Variants in MOSMO observed in about 807,000 individuals in gnomAD.
The protein encoded by MOSMO is modulator of smoothened.
A neutral mutation model predicts 18.4 loss-of-function variants in MOSMO; 5 were observed. The ratio of observed to expected loss-of-function variants is 0.27; its 90% CI spans 0.14 to 0.57. The LOEUF is 0.57. MOSMO is among the 20% of genes least tolerant of loss of function. The pLI, the probability that MOSMO is intolerant of heterozygous loss-of-function variation, is 0.92. For missense variants in MOSMO, 138 were observed against 211.8 expected, an observed-to-expected ratio of 0.65 and a Z score of 2.16; for synonymous variants, 82 against 82.3, an observed-to-expected ratio of 1.00 and a Z score of 0.02.
chr16:22,052,792 AACATT>A (rs1294715680), intron 1 of MOSMO, among the ~76,000 whole-genome samples: 6 of 152,166 alleles, frequency 3.9e-5, no homozygotes, highest in Non-Finnish European at 2.9e-5. Context: ...AACTGTATGA[AACATT>A]AAACATGTTG....
chr16:22,085,168 A>C (rs1444287543), downstream of MOSMO: 2 of 152,220 alleles, frequency 1.3e-5, no homozygotes, highest in African/African-American at 4.8e-5. Context: ...GGGGGTGTCA[A>C]GATTAGCCCA....
chr16:22,011,193 A>G (rs1050918780), intron 1 of MOSMO, among the ~76,000 whole-genome samples: 3 of 152,164 alleles, frequency 2.0e-5, no homozygotes, highest in Non-Finnish European at 4.4e-5. Flanking sequence ...GTGATAACCT[A>G]TCTGCCCTCT....
chr16:22,020,704 T>C (rs1899742852), intron 1 of MOSMO, among the ~76,000 whole-genome samples: 1 of 152,208 alleles, frequency 6.6e-6, no homozygotes, highest in African/African-American at 2.4e-5. Flanking sequence ...ATGTTGTAGT[T>C]GAAATACTTA....
chr16:22,065,424 AT>A (rs1900730667), intron 1 of MOSMO, among the ~76,000 whole-genome samples: 1 of 152,078 alleles, frequency 6.6e-6, no homozygotes, highest in Non-Finnish European at 1.5e-5. Flanking sequence ...CAGAGCTTCT[AT>A]TTCAGCAAGC....
intron 1 of MOSMO, among the ~76,000 whole-genome samples, chr16:22,063,370 A>C (rs749500451): frequency 9.9e-5 from 15 of 152,250 alleles, no homozygotes; most frequent in Non-Finnish European, 2.1e-4. Context: ...GAAAAAGAGC[A>C]GTTACTTTAA....
chr16:22,054,481 C>G (rs1360698696), intron 1 of MOSMO, among the ~76,000 whole-genome samples: 2 of 152,150 alleles, frequency 1.3e-5, no homozygotes. Context: ...TATAATTTAT[C>G]AAATATCAGT....
intron 1 of MOSMO, among the ~76,000 whole-genome samples, chr16:22,012,012 G>C (rs1180707707): frequency 6.6e-6 from 1 of 151,492 alleles, no homozygotes; most frequent in Non-Finnish European, 1.5e-5. Flanking sequence ...TAAGATCTCA[G>C]TGGTGACAGG....
intron 1 of MOSMO, among the ~76,000 whole-genome samples, chr16:22,010,921 A>T (rs947750916): frequency 2.6e-5 from 4 of 151,960 alleles, no homozygotes; most frequent in African/African-American, 9.7e-5. Flanking sequence ...ACTCCGTCTT[A>T]AAAAGAAAAC....
chr16:22,067,006 G>T (rs1900760242), intron 1 of MOSMO, among the ~76,000 whole-genome samples: 1 of 152,204 alleles, frequency 6.6e-6, no homozygotes, highest in African/African-American at 2.4e-5. Context: ...AGAATTAAAG[G>T]AAAGTTTGAA....
intron 1 of MOSMO, among the ~76,000 whole-genome samples, chr16:22,012,809 C>T (rs914698682): frequency 1.3e-5 from 2 of 151,238 alleles, no homozygotes; most frequent in African/African-American, 4.9e-5. Context: ...AGATTATGGA[C>T]CATACTTTGG....
Position 22,083,334 on chromosome 16 carries a change from T to A in MOSMO, c.*2454T>A, listed in dbSNP as rs1430336961. 1 of 156,518 alleles carries A rather than the reference T, an allele frequency of 6.4e-6. No individual in the cohort carries two copies. Among genetic ancestry groups the A allele is most frequent in the Non-Finnish European group, 1.4e-5 (1 of 71,030 alleles). 9.7% of individuals were successfully genotyped at this position (156,518 alleles called of 1,614,324 possible). On this transcript the variant is annotated 3_prime_UTR_variant, in exon 3 of 3. Coordinates refer to ENST00000542527, the MANE Select transcript of MOSMO (RefSeq NM_001164579.2). ...ATTGTCTTTAATTTCATTGTTGTCT[T>A]GGAGGTCCAGTGCATACAGGGCTGA...
intron 1 of MOSMO, among the ~76,000 whole-genome samples, chr16:22,031,564 C>T (rs563288959): frequency 6.6e-6 from 1 of 152,182 alleles, no homozygotes; most frequent in Non-Finnish European, 1.5e-5. Flanking sequence ...AATCTACTTT[C>T]TGTTTCATAC....
At chr16:22,028,417 T>C (rs1420335618) in intron 1 of MOSMO, among the ~76,000 whole-genome samples, 1 of 151,834 alleles carries the variant, frequency 6.6e-6, no homozygotes, top group Admixed American at 6.6e-5. Context: ...ATTTACCATC[T>C]TAACCATTTT....
downstream of MOSMO, among the ~76,000 whole-genome samples, chr16:22,088,296 A>G (rs1424670121): frequency 2.0e-5 from 3 of 152,198 alleles, no homozygotes; most frequent in Non-Finnish European, 2.9e-5. Flanking sequence ...GGGAGCCACC[A>G]TGCATGCCCT....
chr16:22,081,604 T>C lies in MOSMO; in HGVS notation c.*724T>C. 1 of 149,638 alleles carries C rather than the reference T, an allele frequency of 6.7e-6. No individual in the cohort carries two copies. Among genetic ancestry groups the C allele is most frequent in the Admixed American group, 6.7e-5 (1 of 14,988 alleles). The allele number at this position is 149,638 out of a possible 1,614,324, so 9.3% of individuals were successfully genotyped here. ...TAATATATATATTTTGCTGATGCAG[T>C]ATACAGTGTGTATATATGTGTGTGT... On this transcript the variant is annotated 3_prime_UTR_variant, in exon 3 of 3. Transcript: ENST00000542527.
At position 22,075,566 on chromosome 16, in the gene MOSMO, C is replaced by G. The variant is rs969666082; in HGVS notation, c.186C>G (p.Pro62=). Residue 62 remains proline, a synonymous_variant, in exon 2 of 3, where the codon CCC becomes CCG. Coordinates refer to ENST00000542527, the MANE Select transcript of MOSMO (RefSeq NM_001164579.2). ...GGACGTGCATCCCTCCCCGGCTTCC[C>G]CCGGAGTGGGTCACCACACTGTTTT... ...RDRTCIPPRL[P]PEWVTTLFFI... is the part of the protein sequence containing the mutation. 1.2e-5 allele frequency: 19 copies of G among 1,537,152 alleles called. No individual in the cohort carries two copies. The highest frequency in any genetic ancestry group is 1.7e-5 in the Non-Finnish European group (19 of 1,146,918).
At chr16:22,074,351 C>A (rs1361477059) in intron 1 of MOSMO, among the ~76,000 whole-genome samples, 2 of 152,156 alleles carry the variant, frequency 1.3e-5, no homozygotes, top group Non-Finnish European at 2.9e-5. Context: ...GGGAGGATCG[C>A]TTGAGACCAG....
At chr16:22,040,895 C>T (rs1219486204) in intron 1 of MOSMO, among the ~76,000 whole-genome samples, 3 of 152,018 alleles carry the variant, frequency 2.0e-5, no homozygotes, top group Admixed American at 1.3e-4. Flanking sequence ...ACCTTGGAGG[C>T]GGAGGTTACA....
At chr16:22,015,743 A>G (rs943195040) in intron 1 of MOSMO, among the ~76,000 whole-genome samples, 16 of 152,184 alleles carry the variant, frequency 1.1e-4, no homozygotes, top group Non-Finnish European at 1.5e-5. Context: ...TATTTCCTTT[A>G]CAACCTTAGT....
Sources: gnomAD v4.1 joint callset for allele counts (sites outside exome capture counted in the v4.1 genomes callset) on GRCh38, gnomAD v4.1.1 for gene constraint, MANE v1.5 for transcripts, NCBI Gene and HGNC (gene_info 2026-07-23, HGNC 2026-07-21) for gene names.